XKR4: variants seen among roughly 807,000 people sequenced by gnomAD.
XKR4 encodes the protein XK related 4, also known as XK-related protein 4.
XKR4 carries 12 observed loss-of-function variants against 53.9 expected under a neutral mutation model. The observed-to-expected ratio is 0.22, with a 90% CI of 0.14 to 0.36. The LOEUF (loss-of-function observed/expected upper bound fraction) is 0.36, where lower values mean the gene tolerates loss of function less well. XKR4 is among the 10% of genes least tolerant of loss of function. The probability of loss-of-function intolerance (pLI) is 1.00; values close to 1 mark genes in which losing one functional copy is unlikely to be tolerated. For synonymous variants in XKR4, 354 were observed against 362.4 expected, an observed-to-expected ratio of 0.98 and a Z score of 0.26; for missense variants, 799 against 859.5, an observed-to-expected ratio of 0.93 and a Z score of 0.88.
At chr8:55,453,915 T>A in intron 2 of XKR4, 1 of 629,294 alleles carries the variant, frequency 1.6e-6, no homozygotes, top group South Asian at 1.5e-5. Flanking sequence ...GCAAAGGCCA[T>A]GCCCTCCAGC....
chr8:55,317,969 A>T (rs1304883481), intron 1 of XKR4, among the ~76,000 whole-genome samples: 1 of 152,256 alleles, frequency 6.6e-6, no homozygotes. Flanking sequence ...AAGCCAGGTC[A>T]TGAAATGGTA....
intron 2 of XKR4, among the ~76,000 whole-genome samples, chr8:55,500,729 G>A (rs141200561): frequency 1.8e-3 from 269 of 152,280 alleles, no homozygotes; most frequent in African/African-American, 6.2e-3. Context: ...GACACGCTAG[G>A]TGCTTTTGTA....
intron 2 of XKR4, among the ~76,000 whole-genome samples, chr8:55,367,573 G>T (rs59873892): frequency 0.026 from 3,970 of 152,174 alleles, 153 homozygotes; most frequent in African/African-American, 0.09. Context: ...AAAGTGCTGG[G>T]ACCAATTTAT....
intron 1 of XKR4, among the ~76,000 whole-genome samples, chr8:55,321,458 C>T (rs904786004): frequency 5.3e-5 from 8 of 152,138 alleles, no homozygotes; most frequent in African/African-American, 1.9e-4. Flanking sequence ...GCTGTTCTCA[C>T]GGAGGGTGTT....
intron 1 of XKR4, among the ~76,000 whole-genome samples, chr8:55,163,051 G>A (rs1009267665): frequency 1.3e-5 from 2 of 152,156 alleles, no homozygotes; most frequent in Admixed American, 6.5e-5. Flanking sequence ...ATCATTTCTA[G>A]TCTTGGCCTT....
intron 2 of XKR4, among the ~76,000 whole-genome samples, chr8:55,456,930 C>T (rs1017275711): frequency 6.6e-6 from 1 of 151,906 alleles, no homozygotes; most frequent in African/African-American, 2.4e-5. Context: ...AAAAGCTCCA[C>T]AAACCTCAAA....
Position 55,523,342 on chromosome 8 carries a change from C to G in XKR4, c.1068C>G (p.Ala356=), listed in dbSNP as rs1806828138. ...LAWALASYQK[A]LRDSRDDKKP... ...GGGCCTTGGCCTCCTACCAGAAGGC[C>G]CTCCGGGACTCTCGAGATGACAAGA... is the stretch of plus-strand genomic sequence containing the variant. The change falls in exon 3 of 3, where the codon GCC becomes GCG. Residue 356 remains alanine, a synonymous_variant. Coordinates refer to ENST00000327381, the MANE Select transcript of XKR4 (RefSeq NM_052898.2). 2 of 1,614,024 alleles carry G rather than the reference C, an allele frequency of 1.2e-6. No individual in the cohort carries two copies. The highest frequency in any genetic ancestry group is 2.7e-5 in the African/African-American group (2 of 74,916).
intron 1 of XKR4, among the ~76,000 whole-genome samples, chr8:55,109,551 G>T (rs1202612668): frequency 1.3e-5 from 2 of 151,988 alleles, no homozygotes; most frequent in African/African-American, 4.8e-5. Context: ...ACAGCTCCTT[G>T]TGCATTTACC....
intron 1 of XKR4, among the ~76,000 whole-genome samples, chr8:55,313,392 C>T (rs1178761404): frequency 6.6e-6 from 1 of 152,156 alleles, no homozygotes; most frequent in African/African-American, 2.4e-5. Flanking sequence ...AAATTTACTT[C>T]GGGAAAAGAT....
At chr8:55,229,283 C>T (rs1489102256) in intron 1 of XKR4, among the ~76,000 whole-genome samples, 1 of 152,232 alleles carries the variant, frequency 6.6e-6, no homozygotes, top group Non-Finnish European at 1.5e-5. Flanking sequence ...ACCAATGCTC[C>T]TGGACAGGAC....
intron 2 of XKR4, among the ~76,000 whole-genome samples, chr8:55,396,061 T>C (rs552308380): frequency 2.0e-5 from 3 of 152,072 alleles, no homozygotes; most frequent in East Asian, 1.9e-4. Context: ...TTCATGGGGG[T>C]CCTTCCTCAC....
chr8:55,290,670 C>T (rs529336366), intron 1 of XKR4, among the ~76,000 whole-genome samples: 39 of 152,118 alleles, frequency 2.6e-4, no homozygotes, highest in African/African-American at 6.7e-4. Flanking sequence ...TATTTGTCAT[C>T]TGTATATCCT....
intron 1 of XKR4, among the ~76,000 whole-genome samples, chr8:55,106,976 C>A (rs1190866587): frequency 6.6e-6 from 1 of 152,134 alleles, no homozygotes; most frequent in East Asian, 1.9e-4. Flanking sequence ...TACAGCAGGA[C>A]TTCTCAGAGC....
At chr8:55,417,951 A>G (rs895217971) in intron 2 of XKR4, among the ~76,000 whole-genome samples, 1 of 152,158 alleles carries the variant, frequency 6.6e-6, no homozygotes, top group African/African-American at 2.4e-5. Context: ...AGCCCACAGA[A>G]GGTGTCTTAA....
intron 1 of XKR4, among the ~76,000 whole-genome samples, chr8:55,119,080 T>G (rs1297940418): frequency 6.6e-6 from 1 of 152,208 alleles, no homozygotes; most frequent in Non-Finnish European, 1.5e-5. Flanking sequence ...ACTCATTCAT[T>G]TAATAAATAT....
At chr8:55,263,587 A>G (rs573734571) in intron 1 of XKR4, among the ~76,000 whole-genome samples, 12 of 152,358 alleles carry the variant, frequency 7.9e-5, no homozygotes, top group Non-Finnish European at 1.2e-4. Flanking sequence ...CTGTAATGCT[A>G]TTTATAGCAC....
At chr8:55,472,448 T>C (rs1244298766) in intron 2 of XKR4, among the ~76,000 whole-genome samples, 1 of 152,148 alleles carries the variant, frequency 6.6e-6, no homozygotes, top group Non-Finnish European at 1.5e-5. Context: ...CTGACTATTA[T>C]TAGTATGTAT....
chr8:55,362,260 G>A (rs551255233), intron 2 of XKR4, among the ~76,000 whole-genome samples: 3 of 152,278 alleles, frequency 2.0e-5, no homozygotes, highest in Non-Finnish European at 2.9e-5. Context: ...TGAAGAATTT[G>A]AGGCATGTGA....
At chr8:55,462,726 A>C (rs908436266) in intron 2 of XKR4, among the ~76,000 whole-genome samples, 1 of 152,166 alleles carries the variant, frequency 6.6e-6, no homozygotes, top group Non-Finnish European at 1.5e-5. Context: ...TATTCAGGAA[A>C]CCCATCTCAC....
Sources: allele counts gnomAD v4.1 joint callset (sites outside exome capture counted in the v4.1 genomes callset), GRCh38; gene constraint gnomAD v4.1.1; transcripts MANE v1.5; gene names NCBI Gene and HGNC (gene_info 2026-07-23, HGNC 2026-07-21).